ROBO2: variants seen among roughly 807,000 people sequenced by gnomAD.
The protein encoded by ROBO2 is roundabout homolog 2.
In ROBO2, 53 loss-of-function variants were observed where a neutral mutation model predicts 160.8. The ratio of observed to expected loss-of-function variants is 0.33; its 90% CI spans 0.26 to 0.41. The LOEUF (loss-of-function observed/expected upper bound fraction) is 0.41, where lower values mean the gene tolerates loss of function less well. Ranked by LOEUF, ROBO2 falls within the 10% of genes least tolerant of loss-of-function variation. The pLI, the probability that ROBO2 is intolerant of heterozygous loss-of-function variation, is 1.00. For synonymous variants in ROBO2, 664 were observed against 611.7 expected, an observed-to-expected ratio of 1.09 and a Z score of -1.26; for missense variants, 1,577 against 1,722.4, an observed-to-expected ratio of 0.92 and a Z score of 1.49.
At chr3:76,614,504 G>GT (rs894240601) in intron 2 of ROBO2, among the ~76,000 whole-genome samples, 25 of 151,414 alleles carry the variant, frequency 1.7e-4, no homozygotes, top group African/African-American at 4.6e-4. Flanking sequence ...CTCTGTGAGA[G>GT]TTTTTTTTTA....
chr3:76,580,328 G>GTTTTTT (rs748888426), intron 2 of ROBO2, among the ~76,000 whole-genome samples: 15 of 67,322 alleles, frequency 2.2e-4, no homozygotes, highest in East Asian at 3.8e-4. Flanking sequence ...TTTTTTTTTT[G>GTTTTTT]TTTTTTTTTT....
chr3:77,462,438 A>G (rs1433230622), intron 2 of ROBO2, among the ~76,000 whole-genome samples: 1 of 152,220 alleles, frequency 6.6e-6, no homozygotes, highest in Non-Finnish European at 1.5e-5. Context: ...GCTCAAGTTA[A>G]GGCCATGCTT....
intron 2 of ROBO2, among the ~76,000 whole-genome samples, chr3:76,217,500 A>T (rs1328369099): frequency 1.3e-5 from 2 of 152,220 alleles, no homozygotes; most frequent in Non-Finnish European, 2.9e-5. Flanking sequence ...GATCCCACAG[A>T]AATACAAACT....
chr3:77,276,983 C>A lies in ROBO2; in HGVS notation c.388+178643C>A, dbSNP rs144983440. Among the ~76,000 whole-genome samples, 153 of 152,148 alleles carry A rather than the reference C, an allele frequency of 1.0e-3. 1 individual carries two copies. Among genetic ancestry groups the A allele is most frequent in the African/African-American group, 3.6e-3 (149 of 41,512 alleles). ...TCGTGATTGAATTATCTTCACCTGGCCCTGCCCTTGACTCATGGGGATTAT... is the reference window on the plus strand; with the variant it reads ...TCGTGATTGAATTATCTTCACCTGGACCTGCCCTTGACTCATGGGGATTAT... On this transcript the variant is annotated intron_variant, in intron 2 of 25. Coordinates refer to ENST00000461745, the Ensembl canonical transcript of ROBO2.
intron 2 of ROBO2, among the ~76,000 whole-genome samples, chr3:76,886,606 G>A (rs1249871759): frequency 6.6e-6 from 1 of 152,072 alleles, no homozygotes; most frequent in Non-Finnish European, 1.5e-5. Flanking sequence ...AGCATAATGT[G>A]ATTAAAACAT....
intron 2 of ROBO2, among the ~76,000 whole-genome samples, chr3:76,928,952 T>A (rs2077159316): frequency 6.6e-6 from 1 of 152,094 alleles, no homozygotes; most frequent in African/African-American, 2.4e-5. Flanking sequence ...GATGTAGACA[T>A]CTCCAATAGA....
intron 2 of ROBO2, among the ~76,000 whole-genome samples, chr3:75,994,078 T>C (rs905267088): frequency 5.9e-5 from 9 of 152,062 alleles, no homozygotes; most frequent in Admixed American, 2.6e-4. Context: ...ACAAAACCAA[T>C]GCAGGAACCT....
chr3:76,241,966 T>C (rs1705314576), intron 2 of ROBO2, among the ~76,000 whole-genome samples: 1 of 152,184 alleles, frequency 6.6e-6, no homozygotes, highest in African/African-American at 2.4e-5. Flanking sequence ...ATACTAGAAC[T>C]GTCAGATACT....
chr3:76,388,846 C>A (rs1271161844), intron 2 of ROBO2, among the ~76,000 whole-genome samples: 1 of 151,990 alleles, frequency 6.6e-6, no homozygotes, highest in African/African-American at 2.4e-5. Context: ...TAGATATTAT[C>A]AGTGATAAAT....
chr3:76,361,147 C>T (rs2075493108), intron 2 of ROBO2, among the ~76,000 whole-genome samples: 1 of 151,954 alleles, frequency 6.6e-6, no homozygotes, highest in African/African-American at 2.4e-5. Context: ...AAAGGAAACT[C>T]AAAGTAAAAA....
chr3:76,840,927 T>C (rs1576982305), intron 2 of ROBO2, among the ~76,000 whole-genome samples: 1 of 152,154 alleles, frequency 6.6e-6, no homozygotes, highest in East Asian at 1.9e-4. Flanking sequence ...TCCAAGATTC[T>C]AGGTCTTTGA....
chr3:76,325,716 T>TAA (rs71277583), intron 2 of ROBO2, among the ~76,000 whole-genome samples: 1,754 of 145,274 alleles, frequency 0.012, 34 homozygotes, highest in African/African-American at 0.042. Context: ...AAGGCCAAAT[T>TAA]AAAAAAAAAA....
intron 2 of ROBO2, among the ~76,000 whole-genome samples, chr3:75,977,457 G>A (rs913172636): frequency 6.6e-6 from 1 of 151,484 alleles, no homozygotes; most frequent in Non-Finnish European, 1.5e-5. Context: ...AGTTGATTCA[G>A]TTTATTTTTG....
chr3:76,569,612 T>G (rs568568256), intron 2 of ROBO2, among the ~76,000 whole-genome samples: 1 of 152,316 alleles, frequency 6.6e-6, no homozygotes, highest in African/African-American at 2.4e-5. Flanking sequence ...TTTAATAAAA[T>G]GTACCTTTGT....
At chr3:76,401,686 T>C (rs1230136725) in intron 2 of ROBO2, among the ~76,000 whole-genome samples, 1 of 151,560 alleles carries the variant, frequency 6.6e-6, no homozygotes, top group East Asian at 1.9e-4. Flanking sequence ...GATATTAATA[T>C]TATTCTTGTT....
chr3:77,562,104 G>A (rs2093339679), intron 9 of ROBO2, among the ~76,000 whole-genome samples: 2 of 151,784 alleles, frequency 1.3e-5, no homozygotes, highest in South Asian at 4.2e-4. Flanking sequence ...ACTCTGTCTC[G>A]GGGTAAAAAA....
chr3:76,545,397 G>A (rs553077562), intron 2 of ROBO2, among the ~76,000 whole-genome samples: 2 of 151,976 alleles, frequency 1.3e-5, no homozygotes, highest in Admixed American at 1.3e-4. Flanking sequence ...GGACAAAAGA[G>A]TTTTCCATGT....
intron 2 of ROBO2, among the ~76,000 whole-genome samples, chr3:76,307,443 C>G (rs1378092874): frequency 2.0e-5 from 3 of 151,774 alleles, no homozygotes; most frequent in African/African-American, 7.3e-5. Context: ...TAAGTCAGGT[C>G]TTGCTGGGGC....
At chr3:77,352,511 G>A (rs1229402978) in intron 2 of ROBO2, among the ~76,000 whole-genome samples, 2 of 152,054 alleles carry the variant, frequency 1.3e-5, no homozygotes, top group African/African-American at 4.8e-5. Flanking sequence ...CCTGATGGGA[G>A]AATTGCAAGG....
Sources: allele counts gnomAD v4.1 joint callset (sites outside exome capture counted in the v4.1 genomes callset), GRCh38; gene constraint gnomAD v4.1.1; transcripts MANE v1.5; gene names NCBI Gene and HGNC (gene_info 2026-07-23, HGNC 2026-07-21).